Variants in DLG2 observed in about 807,000 individuals in gnomAD.
DLG2 encodes the protein discs large MAGUK scaffold protein 2, also known as disks large homolog 2.
In DLG2, 45 loss-of-function variants were observed where a neutral mutation model predicts 132.5. That is an observed-to-expected ratio of 0.34 (90% CI 0.27 to 0.44). The LOEUF is 0.44. Among genes scored for constraint, DLG2 ranks in the 20% least tolerant of loss-of-function variants. The probability of loss-of-function intolerance (pLI) is 1.00; values close to 1 mark genes in which losing one functional copy is unlikely to be tolerated. For missense variants in DLG2, 1,045 were observed against 1,196.9 expected (o/e 0.87, Z 1.87); for synonymous variants, 424 against 419.6 (o/e 1.01, Z -0.13).
At chr11:83,553,770 A>T (rs1240996613) in intron 19 of DLG2, among the ~76,000 whole-genome samples, 2 of 152,172 alleles carry the variant, frequency 1.3e-5, no homozygotes, top group Non-Finnish European at 2.9e-5. Flanking sequence ...AGCATTTGCC[A>T]ATAGTTCAGA....
chr11:83,639,413 T>C (rs528181784), intron 18 of DLG2, among the ~76,000 whole-genome samples: 1 of 152,304 alleles, frequency 6.6e-6, no homozygotes, highest in South Asian at 2.1e-4. Flanking sequence ...TCCAAGTCTT[T>C]GCTATTGTGA....
chr11:83,711,097 A>G (rs891621383), intron 18 of DLG2, among the ~76,000 whole-genome samples: 13 of 152,192 alleles, frequency 8.5e-5, no homozygotes, highest in African/African-American at 2.9e-4. Flanking sequence ...CTCAGCAGTC[A>G]CCAACCCCCT....
intron 3 of DLG2, among the ~76,000 whole-genome samples, chr11:85,597,298 A>T (rs2079838093): frequency 6.6e-6 from 1 of 152,286 alleles, no homozygotes; most frequent in East Asian, 1.9e-4. Context: ...AAGTAAACAC[A>T]TCATACAAGT....
At chr11:85,070,991 C>T (rs2065784021) in intron 6 of DLG2, among the ~76,000 whole-genome samples, 1 of 151,796 alleles carries the variant, frequency 6.6e-6, no homozygotes, top group Non-Finnish European at 1.5e-5. Context: ...AGCTCAAATC[C>T]AAGCACAACT....
At chr11:84,116,989 G>C (rs1573573) in intron 9 of DLG2, among the ~76,000 whole-genome samples, 131,734 of 152,212 alleles carry the variant, frequency 0.87, 57,285 homozygotes, top group Middle Eastern at 0.94. Context: ...TCAAACCCCA[G>C]TATTCACTTT....
At chr11:85,086,244 T>C (rs2067906036) in intron 6 of DLG2, among the ~76,000 whole-genome samples, 1 of 152,178 alleles carries the variant, frequency 6.6e-6, no homozygotes, top group South Asian at 2.1e-4. Context: ...ATCTTATTTT[T>C]AGTATAATTG....
intron 6 of DLG2, among the ~76,000 whole-genome samples, chr11:84,795,943 C>A (rs2153948867): frequency 6.6e-6 from 1 of 152,312 alleles, no homozygotes; most frequent in African/African-American, 2.4e-5. Flanking sequence ...GTGTGCCTAG[C>A]TTTGCGCAGT....
At chr11:83,606,797 G>A (rs922271213) in intron 19 of DLG2, among the ~76,000 whole-genome samples, 9 of 152,008 alleles carry the variant, frequency 5.9e-5, no homozygotes, top group African/African-American at 2.2e-4. Context: ...CATGGTGGCG[G>A]GCGCCTGTGG....
chr11:83,996,980 T>C (rs2094064735), intron 11 of DLG2, among the ~76,000 whole-genome samples: 1 of 152,150 alleles, frequency 6.6e-6, no homozygotes, highest in Non-Finnish European at 1.5e-5. Flanking sequence ...TTGGATTGTT[T>C]GCAACTCAAT....
chr11:84,049,685 A>C (rs1453724599), intron 11 of DLG2, among the ~76,000 whole-genome samples: 1 of 151,786 alleles, frequency 6.6e-6, no homozygotes, highest in Non-Finnish European at 1.5e-5. Context: ...TTAGGGTTAG[A>C]ATTAGCGGTT....
At chr11:84,113,429 G>A (rs1326207493) in intron 9 of DLG2, among the ~76,000 whole-genome samples, 1 of 152,014 alleles carries the variant, frequency 6.6e-6, no homozygotes, top group South Asian at 2.1e-4. Flanking sequence ...TTCAGTTTCG[G>A]GTATTTCACA....
chr11:84,737,766 T>G (rs948338697), intron 6 of DLG2, among the ~76,000 whole-genome samples: 1 of 151,862 alleles, frequency 6.6e-6, no homozygotes, highest in Admixed American at 6.6e-5. Flanking sequence ...GATAAATAGT[T>G]CAACTCAAGG....
chr11:85,206,529 T>A (rs2081905755), intron 4 of DLG2, among the ~76,000 whole-genome samples: 1 of 152,154 alleles, frequency 6.6e-6, no homozygotes, highest in African/African-American at 2.4e-5. Context: ...ACCAAATACA[T>A]GGTATATAAG....
At chr11:84,643,992 C>G in intron 6 of DLG2, among the ~76,000 whole-genome samples, 1 of 152,182 alleles carries the variant, frequency 6.6e-6, no homozygotes, top group South Asian at 2.1e-4. Context: ...GAAGTTCAAA[C>G]AGTCAGTATC....
chr11:84,745,170 AG>A lies in DLG2; in HGVS notation c.358-210440del, dbSNP rs2153828740. On this transcript the variant is annotated intron_variant, in intron 6 of 27. Transcript: ENST00000376104. ...TTACTTTACCTATAATTTATATGTA[AG>A]GTTCATGATATGGTTTGGATCTGTG... Among the ~76,000 whole-genome samples the A allele has an allele frequency of 1.3e-5, 2 of 152,300 alleles. 1 individual carries two copies. Among genetic ancestry groups the A allele is most frequent in the South Asian group, 4.1e-4 (2 of 4,830 alleles).
In DLG2 at chr11:85,150,058, C is replaced by A. The variant is rs922388959; in HGVS notation, c.282+4498G>T. Among the ~76,000 whole-genome samples, 3 of 120,600 alleles carry A rather than the reference C, an allele frequency of 2.5e-5. No homozygotes were observed. In the Admixed American group the frequency reaches 3.1e-4, roughly 12 times the overall value. 79.1% of individuals were successfully genotyped at this position (120,600 alleles called of 152,430 possible). ...TTTTTGAGACAGAGTCTCACTCAGT[C>A]GCCCAGGCTGGAGGGCAGTGGCTTA... On this transcript the variant is annotated intron_variant, in intron 5 of 27. Coordinates refer to ENST00000376104, the MANE Select transcript of DLG2 (RefSeq NM_001142699.3).
chr11:84,456,710 T>C (rs949163506), intron 7 of DLG2, among the ~76,000 whole-genome samples: 3 of 151,368 alleles, frequency 2.0e-5, no homozygotes, highest in East Asian at 3.9e-4. Context: ...TTTTTAAACA[T>C]TGCACTTATC....
chr11:85,368,481 C>T lies in DLG2; in HGVS notation c.41-83116G>A, dbSNP rs76445914. Among the ~76,000 whole-genome samples the T allele has an allele frequency of 8.1e-3, 1,240 of 152,312 alleles. 16 individuals are homozygous for T. The highest frequency in any genetic ancestry group is 0.028 in the African/African-American group (1,167 of 41,570). ...TGACATATATCCAAAATTCAATTGC[C>T]TCACCACCTCCACTGTTCTCCTAAA... On this transcript the variant is annotated intron_variant, in intron 3 of 27. Transcript: ENST00000376104.
At chr11:84,044,417 T>C (rs1164393072) in intron 11 of DLG2, among the ~76,000 whole-genome samples, 1 of 151,746 alleles carries the variant, frequency 6.6e-6, no homozygotes, top group Non-Finnish European at 1.5e-5. Flanking sequence ...TGGTTTACCT[T>C]TGTCCTTTGT....
Sources: gnomAD v4.1 joint callset for allele counts (sites outside exome capture counted in the v4.1 genomes callset) on GRCh38, gnomAD v4.1.1 for gene constraint, MANE v1.5 for transcripts, NCBI Gene and HGNC (gene_info 2026-07-23, HGNC 2026-07-21) for gene names.